PRELID2: variants seen among roughly 807,000 people sequenced by gnomAD.
PRELID2 encodes PRELI domain containing 2, also known as PRELI domain-containing protein 2.
Under a neutral mutation model 28.4 loss-of-function variants are expected in PRELID2, and 25 were observed. The ratio of observed to expected loss-of-function variants is 0.88; its 90% CI spans 0.64 to 1.23. PRELID2 has a LOEUF of 1.23. PRELID2 is among the 50% of genes most tolerant of loss of function. PRELID2 has a pLI of 0.00. For synonymous variants in PRELID2, 76 were observed against 71.6 expected (o/e 1.06, Z -0.31); for missense variants, 201 against 214.4 (o/e 0.94, Z 0.39).
intron 1 of PRELID2, among the ~76,000 whole-genome samples, chr5:145,602,864 C>CA (rs1395976344): frequency 6.6e-6 from 1 of 151,914 alleles, no homozygotes; most frequent in African/African-American, 2.4e-5. Flanking sequence ...TGAGCCTGGC[C>CA]AACAAGGTGA....
the PRELID2 span, among the ~76,000 whole-genome samples, chr5:145,439,155 A>T: frequency 1.3e-5 from 2 of 152,230 alleles, no homozygotes; most frequent in African/African-American, 4.8e-5. Flanking sequence ...AATGTGTGGG[A>T]TCAGATGGGA....
the PRELID2 span, among the ~76,000 whole-genome samples, chr5:145,329,888 C>T: frequency 1.6e-4 from 24 of 152,164 alleles, no homozygotes; most frequent in African/African-American, 5.5e-4. Flanking sequence ...CCAGCTTTTG[C>T]TCATTCAGTA....
chr5:145,551,854 A>C (rs1163817890), intron 1 of PRELID2, among the ~76,000 whole-genome samples: 2 of 152,168 alleles, frequency 1.3e-5, no homozygotes, highest in East Asian at 3.9e-4. Flanking sequence ...TTTAGAATCC[A>C]GAGAAAGTAG....
At chr5:145,370,817 T>G in the PRELID2 span, among the ~76,000 whole-genome samples, 1 of 152,126 alleles carries the variant, frequency 6.6e-6, no homozygotes, top group Admixed American at 6.6e-5. Flanking sequence ...TAGTTCTCCT[T>G]GAAGAGGTCC....
At chr5:145,268,337 T>C in the PRELID2 span, among the ~76,000 whole-genome samples, 1 of 152,268 alleles carries the variant, frequency 6.6e-6, no homozygotes, top group South Asian at 2.1e-4. Flanking sequence ...ATATGGGCTC[T>C]AGTTTCATTC....
the PRELID2 span, among the ~76,000 whole-genome samples, chr5:145,343,937 A>G: frequency 1.3e-5 from 2 of 152,032 alleles, no homozygotes; most frequent in Non-Finnish European, 2.9e-5. Flanking sequence ...TCCTGGAAAC[A>G]TACAACATAC....
chr5:145,617,698 T>C (rs1753718175), intron 1 of PRELID2, among the ~76,000 whole-genome samples: 1 of 151,976 alleles, frequency 6.6e-6, no homozygotes, highest in Admixed American at 6.6e-5. Flanking sequence ...TGTCCAATGT[T>C]TCCTGAAGTT....
chr5:145,617,836 T>C (rs62394216), intron 1 of PRELID2, among the ~76,000 whole-genome samples: 26,594 of 151,598 alleles, frequency 0.18, 3,908 homozygotes, highest in African/African-American at 0.39. Flanking sequence ...CAGGTTCAAG[T>C]GATGCTCCTG....
intron 1 of PRELID2, among the ~76,000 whole-genome samples, chr5:145,832,537 A>G (rs987507516): frequency 2.6e-5 from 4 of 152,102 alleles, no homozygotes; most frequent in Non-Finnish European, 5.9e-5. Flanking sequence ...TGAAGTGCCT[A>G]TTATATGCAA....
intron 1 of PRELID2, among the ~76,000 whole-genome samples, chr5:145,626,487 A>C (rs1051298587): frequency 6.6e-6 from 1 of 152,132 alleles, no homozygotes; most frequent in Non-Finnish European, 1.5e-5. Flanking sequence ...ATCTTACATC[A>C]GTCAGTATGG....
intron 1 of PRELID2, among the ~76,000 whole-genome samples, chr5:145,556,574 A>G (rs1752881910): frequency 6.6e-6 from 1 of 152,176 alleles, no homozygotes; most frequent in Non-Finnish European, 1.5e-5. Context: ...CCAGGTAGAT[A>G]TCTCCAAAAT....
At chr5:145,284,464 T>G in the PRELID2 span, among the ~76,000 whole-genome samples, 1 of 152,156 alleles carries the variant, frequency 6.6e-6, no homozygotes, top group Non-Finnish European at 1.5e-5. Context: ...TGCTAAACAA[T>G]ATGTATAAGG....
the PRELID2 span, among the ~76,000 whole-genome samples, chr5:145,416,947 A>T: frequency 1.2e-4 from 19 of 152,118 alleles, no homozygotes; most frequent in Admixed American, 8.5e-4. Context: ...AGTTAGTTAC[A>T]TCCTAGATAA....
chr5:145,494,400 TC>T (rs1270021214), intron 1 of PRELID2, among the ~76,000 whole-genome samples: 2 of 152,232 alleles, frequency 1.3e-5, no homozygotes, highest in African/African-American at 4.8e-5. Context: ...TGGACAATTT[TC>T]TAACTGAAAG....
intron 1 of PRELID2, among the ~76,000 whole-genome samples, chr5:145,498,959 T>C (rs1752331500): frequency 6.6e-6 from 1 of 152,118 alleles, no homozygotes; most frequent in Admixed American, 6.6e-5. Flanking sequence ...ATTCATGATA[T>C]ACTACTGAGT....
chr5:145,480,610 A>G (rs1394925318), intron 1 of PRELID2, among the ~76,000 whole-genome samples: 1 of 152,148 alleles, frequency 6.6e-6, no homozygotes, highest in Non-Finnish European at 1.5e-5. Context: ...ATTGATCTTC[A>G]ATGGAGGATA....
At chr5:145,738,279 A>C (rs1483084751) in intron 1 of PRELID2, among the ~76,000 whole-genome samples, 1 of 152,216 alleles carries the variant, frequency 6.6e-6, no homozygotes, top group African/African-American at 2.4e-5. Flanking sequence ...AAAATATCCA[A>C]GTTTCAATAA....
At position 145,725,466 on chromosome 5, in the gene PRELID2, G is replaced by T. The variant is rs1428847564; in HGVS notation, n.70+39465C>A. On this transcript the variant is annotated intron_variant and non_coding_transcript_variant, in intron 1 of 2. Transcript: ENST00000510259. ...ACTTCATTAACTTAAATATATGTCT[G>T]CTGTTAAAAAATAAAAAAGTCACTG... Among the ~76,000 whole-genome samples, 4 of 152,178 alleles carry T rather than the reference G, an allele frequency of 2.6e-5. No individual in the cohort carries two copies. The East Asian group carries it at 7.7e-4, about 29-fold the overall frequency.
At chr5:145,293,316 TAAC>T in the PRELID2 span, among the ~76,000 whole-genome samples, 1 of 152,182 alleles carries the variant, frequency 6.6e-6, no homozygotes, top group Non-Finnish European at 1.5e-5. Flanking sequence ...AATTATCTCA[TAAC>T]AATAATTTTA....
Sources: allele counts gnomAD v4.1 joint callset (sites outside exome capture counted in the v4.1 genomes callset), GRCh38; gene constraint gnomAD v4.1.1; transcripts MANE v1.5; gene names NCBI Gene and HGNC (gene_info 2026-07-23, HGNC 2026-07-21).